Variants in SLC5A11 observed in about 807,000 individuals in gnomAD.
The protein encoded by SLC5A11 is sodium/myo-inositol cotransporter 2.
Under a neutral mutation model 69.8 loss-of-function variants are expected in SLC5A11, and 48 were observed. The observed-to-expected ratio is 0.69, with a 90% CI of 0.55 to 0.87. The LOEUF (loss-of-function observed/expected upper bound fraction) is 0.87, where lower values mean the gene tolerates loss of function less well. Among genes scored for constraint, SLC5A11 ranks in the 40% least tolerant of loss-of-function variants. SLC5A11 has a pLI of 0.00. For synonymous variants in SLC5A11, 319 were observed against 342.4 expected (o/e 0.93, Z 0.75); for missense variants, 784 against 866.1 (o/e 0.91, Z 1.19).
At chr16:24,862,569 TC>T in intron 2 of SLC5A11, 31 bp from the exon 4 acceptor site, 1 of 1,593,092 alleles carries the variant, frequency 6.3e-7, no homozygotes, top group Admixed American at 1.7e-5. Context: ...GCTAACGTCT[TC>T]CCTCACCCAC....
chr16:24,884,025 C>CCTCA (rs2048222993), intron 7 of SLC5A11, 26 bp from the exon 9 acceptor site: 1 of 1,610,546 alleles, frequency 6.2e-7, no homozygotes, highest in African/African-American at 1.3e-5. Context: ...ACTCCCTGAC[C>CCTCA]CTCACCTCCG....
intron 4 of SLC5A11, 100 bp from the exon 6 acceptor site, chr16:24,872,060 G>A (rs931183672): frequency 3.0e-6 from 4 of 1,332,908 alleles, no homozygotes; most frequent in African/African-American, 2.9e-5. Context: ...TACACCAGAG[G>A]TGGAGTTCAG....
intron 9 of SLC5A11, among the ~76,000 whole-genome samples, chr16:24,894,675 C>T (rs561323132): frequency 5.3e-5 from 8 of 152,134 alleles, no homozygotes; most frequent in Non-Finnish European, 1.2e-4. Flanking sequence ...GTGGTGGGCA[C>T]CTGTAGTCCC....
At chr16:24,910,306 G>T (rs765816589) in exon 15 of SLC5A11, 6 of 1,613,820 alleles carry the variant, frequency 3.7e-6, no homozygotes, top group Non-Finnish European at 2.5e-6. Context: ...TGCTCCTTAG[G>T]TCAGCCACCT....
intron 15 of SLC5A11, among the ~76,000 whole-genome samples, chr16:24,911,055 G>C (rs1466086878): frequency 1.3e-5 from 2 of 151,268 alleles, no homozygotes; most frequent in African/African-American, 4.9e-5. Context: ...TATAGTCCCA[G>C]CTACTTGGGA....
At chr16:24,881,136 G>A (rs964350081) in intron 7 of SLC5A11, among the ~76,000 whole-genome samples, 1 of 151,748 alleles carries the variant, frequency 6.6e-6, no homozygotes, top group African/African-American at 2.4e-5. Context: ...AACCCTGGAG[G>A]CAGAGGCTGC....
intron 8 of SLC5A11, among the ~76,000 whole-genome samples, chr16:24,886,172 C>T (rs183531392): frequency 1.1e-4 from 17 of 151,860 alleles, no homozygotes; most frequent in Admixed American, 3.9e-4. Flanking sequence ...GTAGCTGGGA[C>T]TACGGACACA....
At chr16:24,905,153 C>T (rs2049923446) in intron 10 of SLC5A11, among the ~76,000 whole-genome samples, 1 of 150,878 alleles carries the variant, frequency 6.6e-6, no homozygotes, top group African/African-American at 2.4e-5. Flanking sequence ...AGAAGCAAAA[C>T]AACCCTCAAA....
intron 1 of SLC5A11, among the ~76,000 whole-genome samples, chr16:24,857,954 G>T (rs892154039): frequency 2.6e-5 from 4 of 152,102 alleles, no homozygotes; most frequent in African/African-American, 9.7e-5. Context: ...TAGATTAGTG[G>T]CTCAAAGCAT....
At chr16:24,870,092 T>C in intron 4 of SLC5A11, 87 bp downstream of exon 5, 1 of 965,354 alleles carries the variant, frequency 1.0e-6, no homozygotes. Flanking sequence ...TGCCCTGCAC[T>C]TTAAAAATAG....
At chr16:24,849,571 G>GC (rs2059173982) in intron 1 of SLC5A11, among the ~76,000 whole-genome samples, 2 of 15,988 alleles carry the variant, frequency 1.3e-4, no homozygotes. Flanking sequence ...TGCCTTGGGG[G>GC]CAAAAAAAAA....
chr16:24,847,971 G>C (rs914233631), intron 1 of SLC5A11, among the ~76,000 whole-genome samples: 4 of 152,214 alleles, frequency 2.6e-5, no homozygotes, highest in Non-Finnish European at 4.4e-5. Context: ...ATTAGACTGT[G>C]ATGAGAAGTT....
chr16:24,861,159 G>T (rs2059755106), intron 2 of SLC5A11, among the ~76,000 whole-genome samples: 1 of 151,518 alleles, frequency 6.6e-6, no homozygotes, highest in African/African-American at 2.4e-5. Context: ...CAATTTCCAG[G>T]AGCTCTTTTT....
exon 14 of SLC5A11, chr16:24,908,893 G>T (rs763888431): frequency 6.2e-7 from 1 of 1,613,300 alleles, no homozygotes; most frequent in African/African-American, 1.3e-5. Context: ...TGCCTTCTGG[G>T]GCCTGATCTC....
In SLC5A11 at chr16:24,847,423, C is replaced by G. The variant is rs185890434; in HGVS notation, c.-25+985C>G. On this transcript the variant is annotated intron_variant, in intron 1 of 15. Transcript: ENST00000347898. The stretch of plus-strand genomic sequence containing the variant: ...TGTGTGTTTTCTGTTCTCTCTCTCT[C>G]TCGTTTCTTTTCTGTCTTTTCTTTC... Among the ~76,000 whole-genome samples, 176 of 151,498 alleles carry G rather than the reference C, an allele frequency of 1.2e-3. 1 individual carries two copies. Among genetic ancestry groups the G allele is most frequent in the Non-Finnish European group, 1.9e-3 (129 of 67,930 alleles).
exon 8 of SLC5A11, chr16:24,884,067 G>C: frequency 6.2e-7 from 1 of 1,614,068 alleles, no homozygotes; most frequent in South Asian, 1.1e-5. Flanking sequence ...TGGCTGCTGT[G>C]ATCTACACGG....
At chr16:24,890,312 C>T (rs1253386399) in intron 8 of SLC5A11, among the ~76,000 whole-genome samples, 1 of 151,580 alleles carries the variant, frequency 6.6e-6, no homozygotes, top group Non-Finnish European at 1.5e-5. Context: ...GGTGAAACCC[C>T]ATCTCTACTA....
intron 10 of SLC5A11, among the ~76,000 whole-genome samples, chr16:24,899,017 T>C (rs556731680): frequency 1.2e-4 from 18 of 151,832 alleles, no homozygotes; most frequent in African/African-American, 4.1e-4. Context: ...AGGGTCTCAC[T>C]ATGTTACCCA....
rs868827719 is a variant in SLC5A11, at chr16:24,847,127, C to G, written c.-25+689C>G. ...GATTTTCTTTTTCTTTCCTTTCTTT[C>G]TTTTTCTCTTTCTTTCTTTTTCTTT... On this transcript the variant is annotated intron_variant, in intron 1 of 15. Transcript: ENST00000347898. Among the ~76,000 whole-genome samples the G allele has an allele frequency of 3.3e-5, 5 of 152,016 alleles. No individual in the cohort carries two copies. In the South Asian group the frequency reaches 1.0e-3, roughly 32 times the overall value.
Sources: allele counts gnomAD v4.1 joint callset (sites outside exome capture counted in the v4.1 genomes callset), GRCh38; gene constraint gnomAD v4.1.1; transcripts MANE v1.5; gene names NCBI Gene and HGNC (gene_info 2026-07-23, HGNC 2026-07-21).